The following ERC1 variants were observed in gnomAD, a reference collection of about 807,000 sequenced individuals.
The protein encoded by ERC1 is ELKS/RAB6-interacting/CAST family member 1.
A neutral mutation model predicts 132.0 loss-of-function variants in ERC1; 56 were observed. The ratio of observed to expected loss-of-function variants is 0.42; its 90% CI spans 0.34 to 0.53. The LOEUF (loss-of-function observed/expected upper bound fraction) is 0.53. ERC1 is among the 20% of genes least tolerant of loss of function. ERC1 has a pLI of 0.03. For synonymous variants in ERC1, 478 were observed against 476.1 expected (o/e 1.00, Z -0.05); for missense variants, 1,202 against 1,349.9 (o/e 0.89, Z 1.72).
At chr12:1,068,929 A>G (rs1156870750) in intron 2 of ERC1, among the ~76,000 whole-genome samples, 2 of 152,178 alleles carry the variant, frequency 1.3e-5, no homozygotes, top group Non-Finnish European at 2.9e-5. Context: ...TGGCACATTA[A>G]GACACAAAAG....
chr12:1,130,502 A>G lies in ERC1; in HGVS notation c.1570-11118A>G, dbSNP rs577214112. Among the ~76,000 whole-genome samples, 11 of 152,352 alleles carry G rather than the reference A, an allele frequency of 7.2e-5. No individual in the cohort carries two copies. The South Asian group carries it at 2.3e-3, about 32-fold the overall frequency. On this transcript the variant is annotated intron_variant, in intron 7 of 18. Coordinates refer to ENST00000360905, the MANE Select transcript of ERC1 (RefSeq NM_178040.4). The stretch of plus-strand genomic sequence containing the variant: ...GAGTTCCTTGGGGCTGCATACCTGA[A>G]TAGCACTTATTGCAGTATACTTTGT...
At chr12:1,264,671 A>C (rs561240818) in intron 14 of ERC1, among the ~76,000 whole-genome samples, 2 of 152,216 alleles carry the variant, frequency 1.3e-5, no homozygotes, top group South Asian at 2.1e-4. Context: ...CTCAAACAAA[A>C]AAAAAAAGAT....
intron 18 of ERC1, among the ~76,000 whole-genome samples, chr12:1,465,101 G>A (rs1343814524): frequency 6.6e-6 from 1 of 152,068 alleles, no homozygotes; most frequent in Non-Finnish European, 1.5e-5. Flanking sequence ...AATGAGTCTT[G>A]ACAATTACTG....
At chr12:1,174,228 C>T (rs1407345885) in intron 8 of ERC1, among the ~76,000 whole-genome samples, 2 of 152,252 alleles carry the variant, frequency 1.3e-5, no homozygotes, top group Non-Finnish European at 2.9e-5. Flanking sequence ...TGGTTTGCAC[C>T]TATCTGTGTC....
At chr12:1,094,718 C>T (rs758330695) in intron 3 of ERC1, among the ~76,000 whole-genome samples, 60 of 152,238 alleles carry the variant, frequency 3.9e-4, no homozygotes, top group Non-Finnish European at 6.3e-4. Flanking sequence ...CCCTTCCTCT[C>T]CTTTTTAAAT....
chr12:1,015,549 G>T (rs889908230), intron 1 of ERC1, among the ~76,000 whole-genome samples: 11 of 152,122 alleles, frequency 7.2e-5, no homozygotes, highest in African/African-American at 2.2e-4. Context: ...CCTTGAACCT[G>T]TGAAAATATA....
chr12:1,314,390 A>G (rs1210005621), intron 15 of ERC1, among the ~76,000 whole-genome samples: 1 of 152,234 alleles, frequency 6.6e-6, no homozygotes, highest in Non-Finnish European at 1.5e-5. Flanking sequence ...TAAAAATGTA[A>G]CATAGTAGCA....
rs1213813772 is a variant in ERC1, at chr12:1,494,287, A to T, written c.*4057A>T. The T allele has an allele frequency of 4.3e-6, 1 of 232,118 alleles. No individual in the cohort carries two copies. The highest frequency in any genetic ancestry group is 2.2e-5 in the African/African-American group (1 of 45,398). 14.4% of individuals were successfully genotyped at this position (232,118 alleles called of 1,614,324 possible). ...TGCAGAGTGAGGCCGCCCGTCCATC[A>T]CTGCCAGCCCTGGGCTGCTCAGGAG... On this transcript the variant is annotated 3_prime_UTR_variant, in exon 19 of 19. Coordinates refer to ENST00000360905, the MANE Select transcript of ERC1 (RefSeq NM_178040.4).
At chr12:1,127,120 T>C (rs10744533) in intron 7 of ERC1, among the ~76,000 whole-genome samples, 93,380 of 151,914 alleles carry the variant, frequency 0.61, 30,999 homozygotes, top group East Asian at 0.87. Flanking sequence ...TCATCAATCT[T>C]ACTAGTAAAT....
intron 4 of ERC1, among the ~76,000 whole-genome samples, chr12:1,105,733 TTTC>T (rs1945191351): frequency 6.6e-6 from 1 of 152,216 alleles, no homozygotes; most frequent in Non-Finnish European, 1.5e-5. Context: ...AAAAATTTTA[TTTC>T]TTATTTTTCA....
intron 7 of ERC1, among the ~76,000 whole-genome samples, chr12:1,123,054 T>C (rs1014744939): frequency 2.0e-5 from 3 of 152,162 alleles, no homozygotes; most frequent in African/African-American, 7.2e-5. Flanking sequence ...TGGCACTGCT[T>C]ACGGTGGTGA....
At chr12:1,263,836 C>T (rs1211018294) in intron 14 of ERC1, among the ~76,000 whole-genome samples, 1 of 151,932 alleles carries the variant, frequency 6.6e-6, no homozygotes, top group Admixed American at 6.6e-5. Flanking sequence ...ATTACAGGTG[C>T]CTGCCAGCAC....
intron 1 of ERC1, among the ~76,000 whole-genome samples, chr12:992,170 T>C (rs918425965): frequency 1.2e-4 from 18 of 151,888 alleles, no homozygotes; most frequent in Non-Finnish European, 1.8e-4. Flanking sequence ...CAGTTTTTTT[T>C]CCCCCCAATG....
chr12:1,291,148 A>T (rs2079421502), intron 15 of ERC1, among the ~76,000 whole-genome samples: 1 of 152,220 alleles, frequency 6.6e-6, no homozygotes, highest in Non-Finnish European at 1.5e-5. Context: ...TGATATTGTG[A>T]CTGCAACCCA....
chr12:1,275,078 A>C (rs1354198467), intron 14 of ERC1, among the ~76,000 whole-genome samples: 1 of 152,242 alleles, frequency 6.6e-6, no homozygotes, highest in African/African-American at 2.4e-5. Context: ...AGGTAGGCAG[A>C]AACCAGAATA....
intron 3 of ERC1, among the ~76,000 whole-genome samples, chr12:1,091,669 AT>A (rs766672197): frequency 4.8e-4 from 73 of 152,210 alleles, no homozygotes; most frequent in Non-Finnish European, 8.8e-4. Flanking sequence ...TAATGCAACC[AT>A]TTTATTCAAA....
intron 2 of ERC1, among the ~76,000 whole-genome samples, chr12:1,078,822 A>G (rs1320322675): frequency 6.6e-6 from 1 of 152,130 alleles, no homozygotes; most frequent in African/African-American, 2.4e-5. Flanking sequence ...ATATGACAAA[A>G]GTCGATATAC....
At chr12:1,464,339 C>T (rs1175464725) in intron 18 of ERC1, among the ~76,000 whole-genome samples, 3 of 152,078 alleles carry the variant, frequency 2.0e-5, no homozygotes, top group African/African-American at 4.8e-5. Flanking sequence ...TTCTGGTGTT[C>T]GTGGCTCGCC....
intron 1 of ERC1, among the ~76,000 whole-genome samples, chr12:1,003,325 A>C (rs1962840053): frequency 6.6e-6 from 1 of 152,152 alleles, no homozygotes; most frequent in Non-Finnish European, 1.5e-5. Context: ...TGTTAAATTT[A>C]GTCCTAGTAT....
Sources: allele counts gnomAD v4.1 joint callset (sites outside exome capture counted in the v4.1 genomes callset), GRCh38; gene constraint gnomAD v4.1.1; transcripts MANE v1.5; gene names NCBI Gene and HGNC (gene_info 2026-07-23, HGNC 2026-07-21).